RBM33: variants seen among roughly 807,000 people sequenced by gnomAD.
The protein encoded by RBM33 is RNA binding motif protein 33.
RBM33 carries 28 observed loss-of-function variants against 132.6 expected under a neutral mutation model. That is an observed-to-expected ratio of 0.21 (90% CI 0.16 to 0.29). The LOEUF (loss-of-function observed/expected upper bound fraction) is 0.29, where lower values mean the gene tolerates loss of function less well. Among genes scored for constraint, RBM33 ranks in the 10% least tolerant of loss-of-function variants. RBM33 has a pLI of 1.00. For synonymous variants in RBM33, 634 were observed against 593.0 expected (o/e 1.07, Z -1.01); for missense variants, 1,291 against 1,518.5 (o/e 0.85, Z 2.49).
chr7:155,692,084 G>A (rs563338351), intron 5 of RBM33, among the ~76,000 whole-genome samples: 1 of 149,230 alleles, frequency 6.7e-6, no homozygotes, highest in South Asian at 2.1e-4. Context: ...TTTTTTCTTT[G>A]ATTTTCAGTG....
intron 1 of RBM33, among the ~76,000 whole-genome samples, chr7:155,659,926 T>C (rs186399868): frequency 7.2e-5 from 11 of 152,338 alleles, no homozygotes; most frequent in African/African-American, 2.4e-4. Flanking sequence ...AACTCAAGTC[T>C]TTGGCTTCAC....
chr7:155,646,696 C>T (rs1438438582), intron 1 of RBM33, among the ~76,000 whole-genome samples: 1 of 152,192 alleles, frequency 6.6e-6, no homozygotes, highest in Non-Finnish European at 1.5e-5. Context: ...TGCTCTTGTG[C>T]CTCTCTTGTC....
intron 3 of RBM33, among the ~76,000 whole-genome samples, chr7:155,677,168 GTGTGGA>G (rs1296064315): frequency 1.3e-5 from 2 of 151,478 alleles, no homozygotes; most frequent in Admixed American, 1.3e-4. Context: ...AACTGGCCCT[GTGTGGA>G]TGACAGATTA....
intron 4 of RBM33, among the ~76,000 whole-genome samples, chr7:155,679,903 G>T (rs1303582701): frequency 6.6e-6 from 1 of 151,876 alleles, no homozygotes; most frequent in East Asian, 1.9e-4. Context: ...CTTATTGTTT[G>T]GTATTTAACT....
chr7:155,741,958 C>T lies in RBM33; in HGVS notation c.2189C>T (p.Pro730Leu), dbSNP rs1801353565. 6.2e-7 allele frequency: 1 copy of T among 1,614,018 alleles called. No individual in the cohort carries two copies. Among genetic ancestry groups the T allele is most frequent in the Non-Finnish European group, 8.5e-7 (1 of 1,179,888 alleles). Reference sequence around the variant, plus strand: ...AGCAGCAGCCGCTGCTCTGCCACGCCCTCAGCACAAGTGAAACCTATCGTC... The same window carrying T: ...AGCAGCAGCCGCTGCTCTGCCACGCTCTCAGCACAAGTGAAACCTATCGTC... Reference protein sequence around the residue: ...EMSSSRCSATPSAQVKPIVSA... With the variant: ...EMSSSRCSATLSAQVKPIVSA... Residue 730 changes from proline to leucine, a missense_variant, in exon 13 of 18, where the codon CCC becomes CTC. Coordinates refer to ENST00000401878, the MANE Select transcript of RBM33 (RefSeq NM_053043.3).
intron 1 of RBM33, among the ~76,000 whole-genome samples, chr7:155,649,923 G>A (rs1336689227): frequency 2.6e-5 from 4 of 152,210 alleles, no homozygotes; most frequent in Admixed American, 2.6e-4. Context: ...TCAGCCAGAG[G>A]TATAAATCTA....
intron 1 of RBM33, among the ~76,000 whole-genome samples, chr7:155,648,306 A>G (rs1302269347): frequency 6.6e-6 from 1 of 152,210 alleles, no homozygotes; most frequent in Non-Finnish European, 1.5e-5. Context: ...ATACTAAACC[A>G]GTTGCTTTAA....
chr7:155,644,670 C>G lies in RBM33; in HGVS notation c.-207C>G. Reference sequence around the variant, plus strand: ...CAGGGTGCACCGCGGCGGGCGCGGGCGCGCGGCCATGTTGCGGTAGTTTGT... The same window carrying G: ...CAGGGTGCACCGCGGCGGGCGCGGGGGCGCGGCCATGTTGCGGTAGTTTGT... On this transcript the variant is annotated 5_prime_UTR_variant, in exon 1 of 18. Transcript: ENST00000401878. 1 of 420,742 alleles carries G rather than the reference C, an allele frequency of 2.4e-6. No homozygotes were observed. The highest frequency in any genetic ancestry group is 4.2e-6 in the Non-Finnish European group (1 of 238,258). The allele number at this position is 420,742 out of a possible 1,614,324, so 26.1% of individuals were successfully genotyped here.
chr7:155,711,257 C>A lies in RBM33; in HGVS notation c.1003C>A (p.Leu335Met). ...PPPQQQPIRS[L>M]FQPQPLQPLL... The stretch of plus-strand genomic sequence containing the variant: ...GCCTCAGCAGCAGCCGATCAGAAGC[C>A]TGTTCCAGCCGCAGCCGCTGCAGCC... The change falls in exon 8 of 18, where the codon CTG (leucine) becomes ATG (methionine). Residue 335 changes from leucine to methionine, a missense_variant. Coordinates refer to ENST00000401878, the MANE Select transcript of RBM33 (RefSeq NM_053043.3). 1 of 1,602,328 alleles carries A rather than the reference C, an allele frequency of 6.2e-7. No individual in the cohort carries two copies. Among genetic ancestry groups the A allele is most frequent in the Non-Finnish European group, 8.5e-7 (1 of 1,174,908 alleles).
chr7:155,764,106 G>A, intron 15 of RBM33, 88 bp downstream of exon 15: 1 of 993,242 alleles, frequency 1.0e-6, no homozygotes, highest in Non-Finnish European at 1.5e-6. Flanking sequence ...GTAGCGCATG[G>A]CACACAGTAG....
chr7:155,678,792 T>G, intron 4 of RBM33, 108 bp downstream of exon 4: 1 of 623,712 alleles, frequency 1.6e-6, no homozygotes, highest in South Asian at 2.1e-5. Context: ...CTTATATCTT[T>G]AACACATGAT....
intron 3 of RBM33, among the ~76,000 whole-genome samples, chr7:155,675,759 C>T (rs766870244): frequency 1.3e-5 from 2 of 152,124 alleles, no homozygotes; most frequent in Non-Finnish European, 2.9e-5. Flanking sequence ...AAGAGGAATT[C>T]TGGCCTGAGG....
intron 14 of RBM33, among the ~76,000 whole-genome samples, chr7:155,754,463 A>C (rs1415332788): frequency 6.6e-6 from 1 of 152,182 alleles, no homozygotes; most frequent in African/African-American, 2.4e-5. Flanking sequence ...TCTGTGAGGG[A>C]CTGTGTGGCT....
intron 6 of RBM33, among the ~76,000 whole-genome samples, chr7:155,706,051 G>T (rs753361751): frequency 6.6e-6 from 1 of 152,180 alleles, no homozygotes; most frequent in East Asian, 1.9e-4. Flanking sequence ...TAATAGTTTT[G>T]TTTTTAAGTG....
At chr7:155,693,712 G>A (rs1799711774) in intron 5 of RBM33, among the ~76,000 whole-genome samples, 1 of 151,422 alleles carries the variant, frequency 6.6e-6, no homozygotes, top group South Asian at 2.1e-4. Flanking sequence ...TTTTCCACTA[G>A]CAATAAATAT....
chr7:155,675,620 T>G (rs1269928912), intron 3 of RBM33, among the ~76,000 whole-genome samples: 10 of 152,194 alleles, frequency 6.6e-5, no homozygotes, highest in Admixed American at 6.5e-4. Flanking sequence ...AAGGCTGTTT[T>G]GCTTCCTGTT....
rs771230490 is a variant in RBM33, at chr7:155,680,795, G to A, written c.454G>A (p.Glu152Lys). Residue 152 changes from glutamate (E) to lysine (K), a missense_variant, in exon 5 of 18, where the codon GAA becomes AAA. Around this residue, in one of 7 missense-constraint regions of RBM33, gnomAD observed 194 missense variants for 249.8 expected, o/e 0.78. Transcript: ENST00000401878. ...YPEEGQYEGH[E>K]AELTEDQIEY... ...AGAAGAAGGACAGTATGAAGGCCAC[G>A]AAGCTGAGTTGACAGAAGACCAAAT... 3.1e-6 allele frequency: 5 copies of A among 1,613,818 alleles called. No homozygotes were observed. The highest frequency in any genetic ancestry group is 1.1e-5 in the South Asian group (1 of 91,056).
At chr7:155,686,577 C>G (rs571426239) in intron 5 of RBM33, among the ~76,000 whole-genome samples, 4 of 151,886 alleles carry the variant, frequency 2.6e-5, no homozygotes, top group African/African-American at 9.7e-5. Flanking sequence ...TGTGCTGCAC[C>G]CATTAACTCG....
chr7:155,767,831 A>C (rs1213468336), intron 16 of RBM33, among the ~76,000 whole-genome samples: 1 of 152,246 alleles, frequency 6.6e-6, no homozygotes, highest in East Asian at 1.9e-4. Flanking sequence ...ACAATTGATC[A>C]TAATCTGGAT....
Sources: allele counts gnomAD v4.1 joint callset (sites outside exome capture counted in the v4.1 genomes callset), GRCh38; gene constraint gnomAD v4.1.1; regional missense constraint gnomAD v4.1.1; transcripts MANE v1.5; gene names NCBI Gene and HGNC (gene_info 2026-07-23, HGNC 2026-07-21).